The following ZNF704 variants were observed in gnomAD, a reference collection of about 807,000 sequenced individuals.
The protein encoded by ZNF704 is glucocorticoid induced gene 1.
A neutral mutation model predicts 44.7 loss-of-function variants in ZNF704; 10 were observed. The ratio of observed to expected loss-of-function variants is 0.22; its 90% CI spans 0.14 to 0.38. The LOEUF is 0.38. Ranked by LOEUF, ZNF704 falls within the 10% of genes least tolerant of loss-of-function variation. The pLI is 1.00. For synonymous variants in ZNF704, 211 were observed against 207.6 expected (o/e 1.02, Z -0.14); for missense variants, 390 against 545.5 (o/e 0.71, Z 2.84).
At position 80,732,816 on chromosome 8, in the gene ZNF704, C is replaced by T. The variant is rs144766553; in HGVS notation, c.222-39709G>A. On this transcript the variant is annotated intron_variant, in intron 2 of 8. Transcript: ENST00000327835. Reference sequence around the variant, plus strand: ...ACTAAAAATACAAAAATTAGCCGGGCGTGGTGGCATGCGCCTGTATGCCCA... The same window carrying T: ...ACTAAAAATACAAAAATTAGCCGGGTGTGGTGGCATGCGCCTGTATGCCCA... Among the ~76,000 whole-genome samples the T allele has an allele frequency of 2.0e-3, 302 of 151,936 alleles. 1 individual carries two copies. Among genetic ancestry groups the T allele is most frequent in the African/African-American group, 6.9e-3 (288 of 41,460 alleles).
chr8:80,754,295 G>T (rs1806998971), intron 2 of ZNF704, among the ~76,000 whole-genome samples: 1 of 152,126 alleles, frequency 6.6e-6, no homozygotes, highest in African/African-American at 2.4e-5. Context: ...TAGTGGTTTG[G>T]ATAAGTATTT....
At chr8:80,843,277 A>G (rs1039305659) in intron 1 of ZNF704, among the ~76,000 whole-genome samples, 2 of 152,232 alleles carry the variant, frequency 1.3e-5, no homozygotes, top group African/African-American at 4.8e-5. Context: ...TCTCCTTACA[A>G]ATACAACCAT....
chr8:80,827,638 G>A (rs1379791743), intron 1 of ZNF704, among the ~76,000 whole-genome samples: 2 of 152,160 alleles, frequency 1.3e-5, no homozygotes, highest in East Asian at 1.9e-4. Flanking sequence ...AAAAGAACAA[G>A]GCTGGAGGCA....
intron 2 of ZNF704, among the ~76,000 whole-genome samples, chr8:80,797,828 G>C (rs1807832720): frequency 6.6e-6 from 1 of 151,980 alleles, no homozygotes; most frequent in African/African-American, 2.4e-5. Flanking sequence ...GAAAAAAAAA[G>C]CACGTTCTCC....
intron 2 of ZNF704, among the ~76,000 whole-genome samples, chr8:80,796,901 A>G (rs1586034043): frequency 7.0e-6 from 1 of 142,216 alleles, no homozygotes; most frequent in Non-Finnish European, 1.5e-5. Context: ...AAAGGGAAAG[A>G]GAAAGGGAAA....
In ZNF704 at chr8:80,807,432, G is replaced by A. The variant is rs150509522; in HGVS notation, c.221+13942C>T. Among the ~76,000 whole-genome samples, 220 of 151,988 alleles carry A rather than the reference G, an allele frequency of 1.4e-3. 1 individual carries two copies. The highest frequency in any genetic ancestry group is 5.1e-3 in the African/African-American group (212 of 41,482). Reference sequence around the variant, plus strand: ...CAGTGAAAAGGTGTTTTTAAATAATGAGGAAAAAAAGCTTACTGAATTCTT... The same window carrying A: ...CAGTGAAAAGGTGTTTTTAAATAATAAGGAAAAAAAGCTTACTGAATTCTT... On this transcript the variant is annotated intron_variant, in intron 2 of 8. Transcript: ENST00000327835.
chr8:80,786,254 C>A (rs138340663), intron 2 of ZNF704, among the ~76,000 whole-genome samples: 4 of 151,522 alleles, frequency 2.6e-5, no homozygotes, highest in East Asian at 2.0e-4. Flanking sequence ...TAAAGCAGGA[C>A]CCTGTCTTAA....
chr8:80,877,660 C>CTGTTGGATTGA (rs1490992410), upstream of ZNF704, among the ~76,000 whole-genome samples: 1 of 152,196 alleles, frequency 6.6e-6, no homozygotes, highest in African/African-American at 2.4e-5. Flanking sequence ...TTGGATTGAA[C>CTGTTGGATTGA]ACATCCTCAT....
rs570767440 is a variant in ZNF704, at chr8:80,649,932, C to T, written c.1033-6803G>A. On this transcript the variant is annotated intron_variant, in intron 7 of 8. Transcript: ENST00000327835. Reference sequence around the variant, plus strand: ...ATCCCCCAGTAGGGGCAGACTGACACCTCACACGGCCGGGTACTTCTCTGA... The same window carrying T: ...ATCCCCCAGTAGGGGCAGACTGACATCTCACACGGCCGGGTACTTCTCTGA... 3.7e-4 allele frequency among the ~76,000 whole-genome samples: 56 copies of T among 152,304 alleles called. 1 individual carries two copies. The highest frequency in any genetic ancestry group is 2.3e-3 in the East Asian group (12 of 5,174).
intron 4 of ZNF704, among the ~76,000 whole-genome samples, chr8:80,678,633 A>T (rs1818406209): frequency 6.6e-6 from 1 of 152,250 alleles, no homozygotes; most frequent in African/African-American, 2.4e-5. Flanking sequence ...AAAATAAGAA[A>T]CAACCTCAAG....
chr8:80,790,689 G>T (rs1162070889), intron 2 of ZNF704, among the ~76,000 whole-genome samples: 2 of 152,106 alleles, frequency 1.3e-5, no homozygotes, highest in Non-Finnish European at 2.9e-5. Context: ...CAGAGGTCCC[G>T]GGGTGAGATG....
At chr8:80,865,137 T>C (rs764749541) in intron 1 of ZNF704, among the ~76,000 whole-genome samples, 2 of 152,182 alleles carry the variant, frequency 1.3e-5, no homozygotes, top group East Asian at 3.8e-4. Flanking sequence ...TCAAAATAAC[T>C]GCAGGATTTT....
intron 7 of ZNF704, among the ~76,000 whole-genome samples, chr8:80,656,969 C>T (rs992579017): frequency 6.6e-6 from 1 of 152,112 alleles, no homozygotes; most frequent in African/African-American, 2.4e-5. Flanking sequence ...GAGCTTTGGT[C>T]TGAAAACCCT....
At chr8:80,797,131 A>C (rs1401279120) in intron 2 of ZNF704, among the ~76,000 whole-genome samples, 1 of 152,176 alleles carries the variant, frequency 6.6e-6, no homozygotes, top group Non-Finnish European at 1.5e-5. Flanking sequence ...CTCCACGTCC[A>C]GTGTCCTATG....
At chr8:80,666,375 T>G (rs1332782079) in intron 5 of ZNF704, among the ~76,000 whole-genome samples, 1 of 152,036 alleles carries the variant, frequency 6.6e-6, no homozygotes, top group Non-Finnish European at 1.5e-5. Context: ...TGTTGGACAT[T>G]TGGGTTTATT....
intron 3 of ZNF704, 67 bp from the exon 4 acceptor site, chr8:80,687,525 TG>T: frequency 8.0e-7 from 1 of 1,248,970 alleles, no homozygotes; most frequent in South Asian, 1.5e-5. Context: ...AGTGGGGAAA[TG>T]GGAGCCTTGG....
chr8:80,766,359 G>A (rs1174376432), intron 2 of ZNF704, among the ~76,000 whole-genome samples: 3 of 152,090 alleles, frequency 2.0e-5, no homozygotes, highest in African/African-American at 7.2e-5. Context: ...CTTCAGATGG[G>A]AATAATGATA....
intron 2 of ZNF704, among the ~76,000 whole-genome samples, chr8:80,716,606 T>G (rs1819075544): frequency 6.6e-6 from 1 of 152,246 alleles, no homozygotes; most frequent in South Asian, 2.1e-4. Flanking sequence ...AGAAAGTTTT[T>G]GGATAGATGT....
intron 1 of ZNF704, among the ~76,000 whole-genome samples, chr8:80,839,635 T>C (rs1430980199): frequency 1.3e-5 from 2 of 152,234 alleles, no homozygotes; most frequent in Non-Finnish European, 2.9e-5. Context: ...TAGAAATGAC[T>C]ATAAGGGAGA....
Sources: gnomAD v4.1 joint callset for allele counts (sites outside exome capture counted in the v4.1 genomes callset) on GRCh38, gnomAD v4.1.1 for gene constraint, MANE v1.5 for transcripts, NCBI Gene and HGNC (gene_info 2026-07-23, HGNC 2026-07-21) for gene names.